The following WDR27 variants were observed in gnomAD, a reference collection of about 807,000 sequenced individuals.
The protein encoded by WDR27 is WD repeat-containing protein 27.
In WDR27, 100 loss-of-function variants were observed where a neutral mutation model predicts 114.4. That is an observed-to-expected ratio of 0.87 (90% confidence interval 0.74 to 1.03). The LOEUF is 1.03. Among genes scored for constraint, WDR27 ranks in the 50% least tolerant of loss-of-function variants. WDR27 has a pLI of 0.00. For synonymous variants in WDR27, 449 were observed against 423.1 expected (o/e 1.06, Z -0.75); for missense variants, 1,129 against 1,092.9 (o/e 1.03, Z -0.47).
the WDR27 span, among the ~76,000 whole-genome samples, chr6:169,449,782 T>C: frequency 6.6e-6 from 1 of 152,314 alleles, no homozygotes; most frequent in East Asian, 1.9e-4. Flanking sequence ...CATTTCCGAA[T>C]GCAGGGAACA....
chr6:169,666,415 A>G lies in WDR27; in HGVS notation c.712+721T>C. The stretch of plus-strand genomic sequence containing the variant: ...TTTAAGTGGCATTTTCATGTCACTT[A>G]CCGCATGGAAGAACGCTCTCCTTTT... On this transcript the variant is annotated intron_variant, in intron 6 of 25. Coordinates refer to ENST00000448612, the MANE Select transcript of WDR27 (RefSeq NM_182552.5). The G allele has an allele frequency of 6.1e-6, 6 of 985,502 alleles. No homozygotes were observed. In the South Asian group the frequency reaches 2.8e-4, roughly 46 times the overall value. 61.0% of individuals were successfully genotyped at this position (985,502 alleles called of 1,614,324 possible). A position where few individuals can be genotyped will look rare whatever the true frequency, so the allele number is the denominator to read the frequency against.
intron 25 of WDR27, among the ~76,000 whole-genome samples, chr6:169,552,973 GGTGTGTGTGTGT>G (rs3975497): frequency 0.17 from 10,640 of 61,354 alleles, 712 homozygotes; most frequent in African/African-American, 0.21. Flanking sequence ...GGGCCTGCCC[GGTGTGTGTGTGT>G]GTGTGTGTGT....
the WDR27 span, among the ~76,000 whole-genome samples, chr6:169,429,339 C>T: frequency 5.9e-4 from 90 of 152,228 alleles, no homozygotes; most frequent in Non-Finnish European, 1.1e-3. Flanking sequence ...TGCCAAGGAG[C>T]CCACCGGATG....
chr6:169,576,675 G>A (rs1277423138), intron 24 of WDR27, among the ~76,000 whole-genome samples: 5 of 151,750 alleles, frequency 3.3e-5, no homozygotes, highest in Admixed American at 6.6e-5. Flanking sequence ...GTTGAGGCAG[G>A]AGGATTGCTT....
chr6:169,591,644 T>C (rs919737660), intron 23 of WDR27, among the ~76,000 whole-genome samples: 9 of 152,032 alleles, frequency 5.9e-5, no homozygotes, highest in African/African-American at 2.2e-4. Context: ...ATGATGAGGG[T>C]TTAGATATAC....
chr6:169,538,606 A>G (rs1011419253), intron 25 of WDR27, among the ~76,000 whole-genome samples: 3 of 151,434 alleles, frequency 2.0e-5, no homozygotes, highest in African/African-American at 4.9e-5. Flanking sequence ...AGGAAAACTC[A>G]TCTCCCTCTA....
At chr6:169,664,953 C>G (rs1217273555) in intron 7 of WDR27, 1 of 34,338 alleles carries the variant, frequency 2.9e-5, no homozygotes, top group Non-Finnish European at 5.8e-5. Flanking sequence ...GGGCGCCTCT[C>G]CGGGGCGCGG....
chr6:169,662,406 GA>G lies in WDR27; in HGVS notation c.922del (p.Ser308LeufsTer13). The G allele has an allele frequency of 6.2e-7, 1 of 1,614,018 alleles. No homozygotes were observed. The highest frequency in any genetic ancestry group is 8.5e-7 in the Non-Finnish European group (1 of 1,179,868). The part of the protein sequence containing the change: ...CSQPEESQLP[S>X]TSALGKGEQV... ...CTCTCCTTTTCCCAGAGCACTTGTAGAGGGAAGCTGGCTTTCTTCTAGGGAC... is the reference window on the plus strand; with the variant it reads ...CTCTCCTTTTCCCAGAGCACTTGTAGGGGAAGCTGGCTTTCTTCTAGGGAC... On this transcript the variant is annotated frameshift_variant, in exon 9 of 26. Transcript: ENST00000448612. LOFTEE classifies it high-confidence loss of function.
chr6:169,476,033 ATCT>A (rs1455786346), intron 25 of WDR27, among the ~76,000 whole-genome samples: 1 of 152,204 alleles, frequency 6.6e-6, no homozygotes, highest in Non-Finnish European at 1.5e-5. Flanking sequence ...TGTTACTTAG[ATCT>A]TCTATGCAGC....
At chr6:169,674,709 C>T (rs1469423693) in intron 2 of WDR27, among the ~76,000 whole-genome samples, 2 of 152,106 alleles carry the variant, frequency 1.3e-5, no homozygotes, top group Admixed American at 6.5e-5. Context: ...ACCCGTAGAA[C>T]CCCAATGATA....
intron 22 of WDR27, among the ~76,000 whole-genome samples, chr6:169,609,002 G>A (rs929516591): frequency 8.5e-5 from 13 of 152,306 alleles, no homozygotes; most frequent in African/African-American, 3.1e-4. Flanking sequence ...AATCCAGTGC[G>A]GCAGTCAAAT....
chr6:169,614,040 T>G (rs1379256289), intron 21 of WDR27, among the ~76,000 whole-genome samples: 1 of 152,190 alleles, frequency 6.6e-6, no homozygotes, highest in Non-Finnish European at 1.5e-5. Flanking sequence ...GAGTTATTAA[T>G]CTGCCAATTA....
At chr6:169,692,960 C>G (rs966535672) in intron 1 of WDR27, among the ~76,000 whole-genome samples, 1 of 152,200 alleles carries the variant, frequency 6.6e-6, no homozygotes, top group Non-Finnish European at 1.5e-5. Context: ...TTATATACCC[C>G]TTCTAACACA....
chr6:169,625,102 G>A (rs1381082523), intron 21 of WDR27, among the ~76,000 whole-genome samples: 2 of 152,230 alleles, frequency 1.3e-5, no homozygotes, highest in African/African-American at 4.8e-5. Flanking sequence ...GAGTCCTGGA[G>A]TGTCCGCGCC....
chr6:169,493,326 T>C (rs963347199), intron 25 of WDR27, among the ~76,000 whole-genome samples: 1 of 152,036 alleles, frequency 6.6e-6, no homozygotes, highest in African/African-American at 2.4e-5. Flanking sequence ...AGATAAACAA[T>C]CACAATCTTT....
At chr6:169,491,027 T>A (rs1286595267) in intron 25 of WDR27, among the ~76,000 whole-genome samples, 1 of 152,176 alleles carries the variant, frequency 6.6e-6, no homozygotes, top group African/African-American at 2.4e-5. Context: ...AAACGTGGAC[T>A]TACGTACTTT....
Position 169,500,988 on chromosome 6 carries a change from G to A in WDR27, c.2646-43354C>T, listed in dbSNP as rs565041951. On this transcript the variant is annotated intron_variant, in intron 25 of 25. Coordinates refer to ENST00000448612, the MANE Select transcript of WDR27 (RefSeq NM_182552.5). ...TCTCCCCCGTCACAGGTCAGAGGCCGGGATTCTCTACGTTTTCGAACTCCT... is the reference window on the plus strand; with the variant it reads ...TCTCCCCCGTCACAGGTCAGAGGCCAGGATTCTCTACGTTTTCGAACTCCT... 5.2e-4 allele frequency among the ~76,000 whole-genome samples: 79 copies of A among 152,308 alleles called. 1 individual carries two copies. The highest frequency in any genetic ancestry group is 4.9e-4 in the Non-Finnish European group (33 of 68,026).
intron 25 of WDR27, among the ~76,000 whole-genome samples, chr6:169,500,841 C>T (rs1309258917): frequency 3.9e-5 from 6 of 152,236 alleles, no homozygotes; most frequent in Non-Finnish European, 1.5e-5. Flanking sequence ...CTCTGCACAG[C>T]TCCAAACAGC....
intron 25 of WDR27, among the ~76,000 whole-genome samples, chr6:169,570,782 T>C (rs567208509): frequency 1.3e-5 from 2 of 152,322 alleles, no homozygotes; most frequent in East Asian, 3.9e-4. Flanking sequence ...TGAGCTGCGA[T>C]TGTGCCATTG....
Sources: gnomAD v4.1 joint callset for allele counts (sites outside exome capture counted in the v4.1 genomes callset) on GRCh38, gnomAD v4.1.1 for gene constraint, MANE v1.5 for transcripts, NCBI Gene and HGNC (gene_info 2026-07-23, HGNC 2026-07-21) for gene names.